The following CTNND2 variants were observed in gnomAD, a reference collection of about 807,000 sequenced individuals.
The protein encoded by CTNND2 is catenin delta 2, also known as catenin delta-2.
A neutral mutation model predicts 144.4 loss-of-function variants in CTNND2; 22 were observed. That is an observed-to-expected ratio of 0.15 (90% CI 0.11 to 0.22). The LOEUF (loss-of-function observed/expected upper bound fraction) is 0.22, where lower values mean the gene tolerates loss of function less well. Ranked by LOEUF, CTNND2 falls within the 10% of genes least tolerant of loss-of-function variation. The probability of loss-of-function intolerance (pLI) is 1.00; values close to 1 mark genes in which losing one functional copy is unlikely to be tolerated. For synonymous variants in CTNND2, 751 were observed against 695.6 expected, an observed-to-expected ratio of 1.08 and a Z score of -1.25; for missense variants, 1,353 against 1,618.8, an observed-to-expected ratio of 0.84 and a Z score of 2.82.
chr5:11,696,052 G>A (rs1276221595), intron 2 of CTNND2, among the ~76,000 whole-genome samples: 1 of 151,988 alleles, frequency 6.6e-6, no homozygotes, highest in Non-Finnish European at 1.5e-5. Flanking sequence ...AGCATGGATA[G>A]TGTGATATTG....
chr5:11,592,204 C>T lies in CTNND2; in HGVS notation c.175-27148G>A, dbSNP rs190571448. 1.6e-4 allele frequency among the ~76,000 whole-genome samples: 24 copies of T among 150,342 alleles called. No homozygotes were observed. The South Asian group carries it at 2.3e-3, about 15-fold the overall frequency. Reference sequence around the variant, plus strand: ...CCTGCCTTCCTGCCTGCCTGCCTTCCTGCCTTTCTTCCAGTCTGCCTTCCT... The same window carrying T: ...CCTGCCTTCCTGCCTGCCTGCCTTCTTGCCTTTCTTCCAGTCTGCCTTCCT... On this transcript the variant is annotated intron_variant, in intron 2 of 21. Coordinates refer to ENST00000304623, the MANE Select transcript of CTNND2 (RefSeq NM_001332.4).
chr5:11,513,469 A>G (rs898292593), intron 3 of CTNND2, among the ~76,000 whole-genome samples: 4 of 152,138 alleles, frequency 2.6e-5, no homozygotes, highest in Non-Finnish European at 5.9e-5. Flanking sequence ...AAGGATTAGC[A>G]TTTACTTCTA....
chr5:11,818,004 T>TTTTC (rs1554126308), intron 1 of CTNND2, among the ~76,000 whole-genome samples: 2,585 of 93,024 alleles, frequency 0.028, 213 homozygotes, highest in East Asian at 0.053. Context: ...TTTTTTTTTT[T>TTTTC]CAGTTCTCCT....
intron 16 of CTNND2, among the ~76,000 whole-genome samples, chr5:11,047,569 T>G (rs2907092): frequency 0.21 from 31,292 of 152,140 alleles, 3,601 homozygotes; most frequent in Middle Eastern, 0.3. Context: ...GTGCCGTGAC[T>G]TTCGTTTATC....
intron 3 of CTNND2, among the ~76,000 whole-genome samples, chr5:11,439,466 G>C (rs977691360): frequency 6.6e-6 from 1 of 152,156 alleles, no homozygotes; most frequent in African/African-American, 2.4e-5. Context: ...GGAAGAAGAT[G>C]TGATAAATAA....
intron 9 of CTNND2, among the ~76,000 whole-genome samples, chr5:11,337,031 G>A (rs1753805096): frequency 6.6e-6 from 1 of 152,154 alleles, no homozygotes. Flanking sequence ...TTGGGTAGCA[G>A]GGGTGCTGTC....
intron 9 of CTNND2, among the ~76,000 whole-genome samples, chr5:11,313,899 C>T (rs190046154): frequency 7.2e-4 from 109 of 152,152 alleles, no homozygotes; most frequent in Admixed American, 1.1e-3. Context: ...AGAGGAAGAG[C>T]GAGCAAATGG....
chr5:11,452,091 T>A (rs1187828526), intron 3 of CTNND2, among the ~76,000 whole-genome samples: 3 of 152,230 alleles, frequency 2.0e-5, no homozygotes, highest in Non-Finnish European at 4.4e-5. Flanking sequence ...ATTAGCTTAC[T>A]TTAATAATGT....
intron 3 of CTNND2, among the ~76,000 whole-genome samples, chr5:11,521,175 T>C (rs1211280709): frequency 6.6e-6 from 1 of 152,218 alleles, no homozygotes; most frequent in Non-Finnish European, 1.5e-5. Context: ...AGTTTTTGTT[T>C]CAAAATGTGG....
intron 2 of CTNND2, among the ~76,000 whole-genome samples, chr5:11,620,916 T>A (rs1182440144): frequency 6.6e-6 from 1 of 152,166 alleles, no homozygotes; most frequent in Non-Finnish European, 1.5e-5. Flanking sequence ...CATATGAACC[T>A]CAACATGGCC....
intron 2 of CTNND2, among the ~76,000 whole-genome samples, chr5:11,644,017 C>T (rs76315473): frequency 0.027 from 4,162 of 152,180 alleles, 167 homozygotes; most frequent in African/African-American, 0.094. Context: ...ATAAAGCAGA[C>T]CAATGATTGG....
intron 2 of CTNND2, among the ~76,000 whole-genome samples, chr5:11,728,455 G>A (rs1049956215): frequency 6.6e-6 from 1 of 152,132 alleles, no homozygotes; most frequent in African/African-American, 2.4e-5. Flanking sequence ...TCTAGCCTGG[G>A]CGACAGAGCG....
At chr5:11,311,937 ACT>A (rs1344851078) in intron 9 of CTNND2, among the ~76,000 whole-genome samples, 7 of 134,252 alleles carry the variant, frequency 5.2e-5, no homozygotes, top group South Asian at 5.1e-4. Context: ...CCCCACACAC[ACT>A]CACACACACT....
At chr5:11,700,670 C>T (rs1006909335) in intron 2 of CTNND2, among the ~76,000 whole-genome samples, 1 of 152,064 alleles carries the variant, frequency 6.6e-6, no homozygotes, top group African/African-American at 2.4e-5. Flanking sequence ...CTGAAGCCTA[C>T]GGTCAATAGA....
chr5:11,096,544 T>C (rs1433408568), intron 15 of CTNND2, among the ~76,000 whole-genome samples: 3 of 152,206 alleles, frequency 2.0e-5, no homozygotes, highest in African/African-American at 4.8e-5. Flanking sequence ...TGAGGCATTA[T>C]ATTTTAATTC....
intron 2 of CTNND2, among the ~76,000 whole-genome samples, chr5:11,646,073 TTCTGTCCTTTTTTCTTC>T (rs1031002806): frequency 7.9e-5 from 12 of 152,290 alleles, no homozygotes; most frequent in East Asian, 1.9e-4. Context: ...TTCTTTTTCT[TTCTGTCCTTTTTTCTTC>T]TCTGTCCTTT....
chr5:11,122,528 AC>A, intron 12 of CTNND2, among the ~76,000 whole-genome samples: 1 of 151,740 alleles, frequency 6.6e-6, no homozygotes, highest in Non-Finnish European at 1.5e-5. Context: ...GTTGTCTCAT[AC>A]CCAGCCTACT....
rs189336438 is a variant in CTNND2, at chr5:11,509,096, G to A, written c.287+55848C>T. 1.9e-3 allele frequency among the ~76,000 whole-genome samples: 282 copies of A among 152,210 alleles called. 2 individuals are homozygous for A. The highest frequency in any genetic ancestry group is 3.2e-3 in the Non-Finnish European group (217 of 68,012). On this transcript the variant is annotated intron_variant, in intron 3 of 21. Transcript: ENST00000304623. The stretch of plus-strand genomic sequence containing the variant: ...TTTTTGATACTTTTGAATTTTGTAA[G>A]GACAAAACCCAATCAACTGCTTTAA...
intron 9 of CTNND2, among the ~76,000 whole-genome samples, chr5:11,240,859 ACT>A (rs1742334048): frequency 7.3e-6 from 1 of 137,344 alleles, no homozygotes. Context: ...CAACACATAC[ACT>A]CAGCACACAC....
Sources: gnomAD v4.1 joint callset for allele counts (sites outside exome capture counted in the v4.1 genomes callset) on GRCh38, gnomAD v4.1.1 for gene constraint, MANE v1.5 for transcripts, NCBI Gene and HGNC (gene_info 2026-07-23, HGNC 2026-07-21) for gene names.